MACROD2: variants seen among roughly 807,000 people sequenced by gnomAD.
MACROD2 encodes mono-ADP ribosylhydrolase 2.
A neutral mutation model predicts 70.4 loss-of-function variants in MACROD2; 36 were observed. That is an observed-to-expected ratio of 0.51 (90% CI 0.39 to 0.68). The LOEUF (loss-of-function observed/expected upper bound fraction) is 0.68. Among genes scored for constraint, MACROD2 ranks in the 30% least tolerant of loss-of-function variants. The probability of loss-of-function intolerance (pLI) is 0.00; values close to 1 mark genes in which losing one functional copy is unlikely to be tolerated. For synonymous variants in MACROD2, 172 were observed against 178.8 expected, an observed-to-expected ratio of 0.96 and a Z score of 0.30; for missense variants, 496 against 538.4, an observed-to-expected ratio of 0.92 and a Z score of 0.78.
At chr20:14,641,854 C>G (rs888526194) in intron 4 of MACROD2, among the ~76,000 whole-genome samples, 2 of 152,042 alleles carry the variant, frequency 1.3e-5, no homozygotes, top group African/African-American at 4.8e-5. Context: ...CTTAAGGAAC[C>G]AAGGATTTTT....
intron 5 of MACROD2, among the ~76,000 whole-genome samples, chr20:14,980,279 T>A (rs2074785153): frequency 6.6e-6 from 1 of 152,018 alleles, no homozygotes; most frequent in Non-Finnish European, 1.5e-5. Flanking sequence ...GATTAATGAG[T>A]TATCTCAGGA....
At chr20:15,610,616 C>T (rs1055441749) in intron 8 of MACROD2, among the ~76,000 whole-genome samples, 1 of 152,154 alleles carries the variant, frequency 6.6e-6, no homozygotes, top group Non-Finnish European at 1.5e-5. Flanking sequence ...TTTTTCCAAA[C>T]ACAGCAGCAG....
intron 5 of MACROD2, among the ~76,000 whole-genome samples, chr20:15,206,129 T>A (rs1303252497): frequency 6.6e-6 from 1 of 152,202 alleles, no homozygotes; most frequent in Non-Finnish European, 1.5e-5. Context: ...AGATCAAATG[T>A]TTGGTTCTTT....
intron 5 of MACROD2, among the ~76,000 whole-genome samples, chr20:15,107,385 G>T (rs442314): frequency 0.12 from 17,897 of 151,882 alleles, 1,217 homozygotes; most frequent in Admixed American, 0.17. Context: ...ACTACCATTT[G>T]TTGTCAAGCT....
At chr20:16,012,732 T>C (rs2066879751) in intron 15 of MACROD2, among the ~76,000 whole-genome samples, 1 of 152,250 alleles carries the variant, frequency 6.6e-6, no homozygotes, top group Middle Eastern at 3.2e-3. Flanking sequence ...ACTATGGTTA[T>C]AGAGCAGAAT....
At chr20:14,639,513 A>G (rs921921439) in intron 4 of MACROD2, among the ~76,000 whole-genome samples, 3 of 152,142 alleles carry the variant, frequency 2.0e-5, no homozygotes, top group African/African-American at 7.2e-5. Flanking sequence ...CAGCTCTCCA[A>G]TCCACCCTGT....
intron 5 of MACROD2, among the ~76,000 whole-genome samples, chr20:14,717,823 C>A (rs2071413969): frequency 6.6e-6 from 1 of 152,038 alleles, no homozygotes; most frequent in Non-Finnish European, 1.5e-5. Context: ...GGCCCTTTGA[C>A]CTTCTGGAAG....
At chr20:15,982,856 C>T (rs1410203923) in intron 13 of MACROD2, among the ~76,000 whole-genome samples, 1 of 152,158 alleles carries the variant, frequency 6.6e-6, no homozygotes, top group Non-Finnish European at 1.5e-5. Context: ...AGCTTATCTG[C>T]TTCTTGTGCT....
At chr20:14,473,167 A>G (rs2084550051) in intron 3 of MACROD2, among the ~76,000 whole-genome samples, 1 of 152,148 alleles carries the variant, frequency 6.6e-6, no homozygotes, top group Admixed American at 6.5e-5. Flanking sequence ...AAAATCCCAT[A>G]TTCTAGCTAC....
intron 5 of MACROD2, among the ~76,000 whole-genome samples, chr20:14,798,617 T>A (rs552850591): frequency 6.6e-6 from 1 of 152,244 alleles, no homozygotes; most frequent in South Asian, 2.1e-4. Context: ...GGACACACAG[T>A]AAATATTAAC....
At chr20:14,696,857 A>C (rs6042861) in intron 5 of MACROD2, among the ~76,000 whole-genome samples, 2,503 of 152,210 alleles carry the variant, frequency 0.016, 73 homozygotes, top group African/African-American at 0.056. Flanking sequence ...GCATGTGATG[A>C]CAAACTATTG....
chr20:14,983,463 A>G (rs536589841), intron 5 of MACROD2, among the ~76,000 whole-genome samples: 207 of 152,228 alleles, frequency 1.4e-3, no homozygotes, highest in Middle Eastern at 6.8e-3. Flanking sequence ...TTAAATTTCC[A>G]TATGTTGTGG....
chr20:15,583,030 A>T (rs138866501), intron 8 of MACROD2, among the ~76,000 whole-genome samples: 142 of 151,124 alleles, frequency 9.4e-4, no homozygotes, highest in Non-Finnish European at 1.9e-3. Context: ...TTTCTTGAAG[A>T]GAGAGGGAGG....
intron 3 of MACROD2, among the ~76,000 whole-genome samples, chr20:14,416,264 G>A (rs1184419714): frequency 6.6e-6 from 1 of 151,970 alleles, no homozygotes; most frequent in Non-Finnish European, 1.5e-5. Context: ...TCCTCTGTTG[G>A]CCTCTATTTT....
At chr20:15,418,471 C>G (rs1299392797) in intron 6 of MACROD2, among the ~76,000 whole-genome samples, 5 of 152,180 alleles carry the variant, frequency 3.3e-5, no homozygotes, top group Admixed American at 3.3e-4. Flanking sequence ...TTCTTTGGAA[C>G]CTCACCACTG....
intron 5 of MACROD2, among the ~76,000 whole-genome samples, chr20:14,698,302 AC>A (rs2071150133): frequency 6.6e-6 from 1 of 152,228 alleles, no homozygotes; most frequent in South Asian, 2.1e-4. Flanking sequence ...CTAGGCTCAA[AC>A]TCAGGCTCTG....
intron 2 of MACROD2, among the ~76,000 whole-genome samples, chr20:14,071,746 G>A (rs1417378544): frequency 2.0e-5 from 3 of 151,992 alleles, no homozygotes; most frequent in Admixed American, 6.6e-5. Flanking sequence ...TAAAATAGAG[G>A]TGAAATAGTA....
rs117805989 is a variant in MACROD2 at position 15,740,570 on chromosome 20, T to C, written c.646-122175T>C. ...CATTAAAATCCTAAAGCTATACTTC[T>C]TGTCCAGACTTGCCCTGCATTTCTG... is the stretch of plus-strand genomic sequence containing the variant. On this transcript the variant is annotated intron_variant, in intron 8 of 17. Coordinates refer to ENST00000684519, the MANE Select transcript of MACROD2 (RefSeq NM_001351661.2). Among the ~76,000 whole-genome samples, 12 of 152,264 alleles carry C rather than the reference T, an allele frequency of 7.9e-5. No homozygotes were observed. In the East Asian group the frequency reaches 1.4e-3, roughly 17 times the overall value.
chr20:14,966,388 C>T (rs78265578), intron 5 of MACROD2, among the ~76,000 whole-genome samples: 3,284 of 152,164 alleles, frequency 0.022, 117 homozygotes, highest in African/African-American at 0.075. Context: ...CCAGCCTGGA[C>T]AGCATAGTGA....
Sources: gnomAD v4.1 joint callset for allele counts (sites outside exome capture counted in the v4.1 genomes callset) on GRCh38, gnomAD v4.1.1 for gene constraint, MANE v1.5 for transcripts, NCBI Gene and HGNC (gene_info 2026-07-23, HGNC 2026-07-21) for gene names.